The following SPARCL1 variants were observed in gnomAD, a reference collection of about 807,000 sequenced individuals.
SPARCL1 encodes the protein SPARC like 1, also known as SPARC-like protein 1.
SPARCL1 carries 52 observed loss-of-function variants against 67.1 expected under a neutral mutation model. That is an observed-to-expected ratio of 0.78 (90% CI 0.62 to 0.98). The LOEUF (loss-of-function observed/expected upper bound fraction) is 0.98, where lower values mean the gene tolerates loss of function less well. SPARCL1 is among the 50% of genes least tolerant of loss of function. The pLI is 0.00. For synonymous variants in SPARCL1, 226 were observed against 267.8 expected, an observed-to-expected ratio of 0.84 and a Z score of 1.52; for missense variants, 717 against 782.4, an observed-to-expected ratio of 0.92 and a Z score of 1.00.
chr4:87,527,857 G>T (rs982079037), intron 1 of SPARCL1, among the ~76,000 whole-genome samples: 1 of 140,700 alleles, frequency 7.1e-6, no homozygotes, highest in Non-Finnish European at 1.5e-5. Context: ...TCCAAAGAGG[G>T]TGTTTTGAAT....
chr4:87,511,969 T>C (rs866003810), intron 1 of SPARCL1, among the ~76,000 whole-genome samples: 12 of 130,872 alleles, frequency 9.2e-5, no homozygotes, highest in African/African-American at 3.7e-4. Flanking sequence ...TTCTTTCTCT[T>C]TTTTTTTTTT....
At chr4:87,512,527 C>A (rs141169815) in intron 1 of SPARCL1, among the ~76,000 whole-genome samples, 5 of 152,078 alleles carry the variant, frequency 3.3e-5, no homozygotes, top group African/African-American at 1.2e-4. Context: ...ATCAGCCATG[C>A]TGTACAAAAG....
In SPARCL1 at chr4:87,490,107, C is replaced by T. The variant is rs372410492; in HGVS notation, c.1531+166G>A. ...AGTTCAGTTAAATCAGAATCTCCTA[C>T]GGTTAAGGCCTGAGAGTTCTTATTT... On this transcript the variant is annotated intron_variant, in intron 7 of 10. Coordinates refer to ENST00000282470, the MANE Select transcript of SPARCL1 (RefSeq NM_004684.6). 5.3e-5 allele frequency among the ~76,000 whole-genome samples: 8 copies of T among 152,276 alleles called. No homozygotes were observed. In the East Asian group the frequency reaches 7.7e-4, roughly 15 times the overall value.
chr4:87,528,752 A>G (rs143850407), intron 1 of SPARCL1: 2 of 152,278 alleles, frequency 1.3e-5, no homozygotes, highest in East Asian at 3.9e-4. Context: ...AGGCTTCACT[A>G]AGATCTGAAT....
At chr4:87,481,819 AC>A (rs1338455800) in intron 8 of SPARCL1, among the ~76,000 whole-genome samples, 1 of 152,200 alleles carries the variant, frequency 6.6e-6, no homozygotes, top group African/African-American at 2.4e-5. Flanking sequence ...TTACATACAC[AC>A]ACACATATAT....
At chr4:87,506,579 T>C (rs1259246965) in intron 1 of SPARCL1, among the ~76,000 whole-genome samples, 1 of 152,152 alleles carries the variant, frequency 6.6e-6, no homozygotes, top group East Asian at 1.9e-4. Flanking sequence ...GCTGTTGGAT[T>C]GGGACTTAAC....
At chr4:87,504,048 C>G (rs1311198942) in intron 1 of SPARCL1, among the ~76,000 whole-genome samples, 1 of 151,426 alleles carries the variant, frequency 6.6e-6, no homozygotes, top group East Asian at 1.9e-4. Context: ...TATTCAAATC[C>G]AGGTGGTCCA....
intron 7 of SPARCL1, among the ~76,000 whole-genome samples, chr4:87,488,528 C>T (rs778108055): frequency 2.6e-5 from 4 of 152,286 alleles, no homozygotes; most frequent in Middle Eastern, 3.4e-3. Flanking sequence ...AGATGTCTGT[C>T]GACCCCTGCT....
intron 2 of SPARCL1, among the ~76,000 whole-genome samples, chr4:87,496,357 G>C (rs1724619304): frequency 6.6e-6 from 1 of 151,948 alleles, no homozygotes; most frequent in Non-Finnish European, 1.5e-5. Context: ...CCAGTAACTG[G>C]GACTATAGGC....
At chr4:87,494,957 T>C (rs754872295) in intron 3 of SPARCL1, 24 bp downstream of exon 3, 6 of 1,566,132 alleles carry the variant, frequency 3.8e-6, no homozygotes, top group Non-Finnish European at 8.6e-7. Context: ...AAAATTGTAT[T>C]AATATAAATG....
intron 4 of SPARCL1, among the ~76,000 whole-genome samples, chr4:87,493,186 T>TGC (rs2110227848): frequency 6.6e-6 from 1 of 152,276 alleles, no homozygotes; most frequent in African/African-American, 2.4e-5. Flanking sequence ...TGCTGGGAAA[T>TGC]TAATACCCCT....
intron 1 of SPARCL1, among the ~76,000 whole-genome samples, chr4:87,508,700 T>C (rs555253828): frequency 1.4e-4 from 21 of 151,774 alleles, no homozygotes; most frequent in Non-Finnish European, 2.5e-4. Flanking sequence ...GAGGTCCGCT[T>C]ATGAGGCCTA....
intron 1 of SPARCL1, among the ~76,000 whole-genome samples, chr4:87,512,146 T>G (rs762697464): frequency 6.6e-6 from 1 of 151,952 alleles, no homozygotes; most frequent in African/African-American, 2.4e-5. Flanking sequence ...TTTGTATTTT[T>G]AGTAGAGATG....
chr4:87,529,119 A>G lies in SPARCL1; in HGVS notation c.-86T>C, dbSNP rs1439627815. 1.3e-5 allele frequency: 2 copies of G among 152,222 alleles called. No individual in the cohort carries two copies. Among genetic ancestry groups the G allele is most frequent in the Non-Finnish European group, 2.9e-5 (2 of 68,038 alleles). The allele number at this position is 152,222 out of a possible 1,614,324, so 9.4% of individuals were successfully genotyped here. A position where few individuals can be genotyped will look rare whatever the true frequency, so the allele number is the denominator to read the frequency against. ...AATCCCCTCTGCACACAGACAGGGA[A>G]TAAAAGTTTGACAAACACCCAAGAA... On this transcript the variant is annotated 5_prime_UTR_variant, in exon 1 of 11. Coordinates refer to ENST00000282470, the MANE Select transcript of SPARCL1 (RefSeq NM_004684.6).
intron 10 of SPARCL1, among the ~76,000 whole-genome samples, chr4:87,477,410 G>A (rs1723624773): frequency 6.6e-6 from 1 of 152,120 alleles, no homozygotes; most frequent in Admixed American, 6.6e-5. Flanking sequence ...AAAGACAATT[G>A]ACATCCAACC....
intron 7 of SPARCL1, among the ~76,000 whole-genome samples, chr4:87,484,585 C>A (rs192955848): frequency 6.6e-6 from 1 of 151,928 alleles, no homozygotes; most frequent in African/African-American, 2.4e-5. Context: ...TGGTTCCCAA[C>A]TTTAAAGTAG....
intron 1 of SPARCL1, among the ~76,000 whole-genome samples, chr4:87,522,121 C>G (rs1029013473): frequency 6.6e-6 from 1 of 152,086 alleles, no homozygotes; most frequent in Non-Finnish European, 1.5e-5. Flanking sequence ...ATTAATGAGT[C>G]TCTGGGGAGA....
chr4:87,512,074 C>T (rs1441123958), intron 1 of SPARCL1, among the ~76,000 whole-genome samples: 2 of 149,306 alleles, frequency 1.3e-5, no homozygotes, highest in South Asian at 4.2e-4. Flanking sequence ...AAGCAATTCT[C>T]GTGCCTCAGC....
At position 87,493,391 on chromosome 4, in the gene SPARCL1, C is replaced by T. The variant is rs557066902; in HGVS notation, c.1218+191G>A. ...CACTCAAATCCAAGATCTGCATCTA[C>T]GGGAACTCAAATAAAACAGGCATTC... On this transcript the variant is annotated intron_variant, in intron 4 of 10. Transcript: ENST00000282470. 8.5e-5 allele frequency among the ~76,000 whole-genome samples: 13 copies of T among 152,262 alleles called. No individual in the cohort carries two copies. The South Asian group carries it at 2.7e-3, about 32-fold the overall frequency.
Sources: allele counts gnomAD v4.1 joint callset (sites outside exome capture counted in the v4.1 genomes callset), GRCh38; gene constraint gnomAD v4.1.1; transcripts MANE v1.5; gene names NCBI Gene and HGNC (gene_info 2026-07-23, HGNC 2026-07-21).